NRROS: variants seen among roughly 807,000 people sequenced by gnomAD.
The protein encoded by NRROS is transforming growth factor beta activator LRRC33.
A neutral mutation model predicts 12.0 loss-of-function variants in NRROS; 6 were observed. The ratio of observed to expected loss-of-function variants is 0.50; its 90% CI spans 0.27 to 0.98. The LOEUF (loss-of-function observed/expected upper bound fraction) is 0.98. Ranked by LOEUF, NRROS falls within the 50% of genes least tolerant of loss-of-function variation. The pLI, the probability that NRROS is intolerant of heterozygous loss-of-function variation, is 0.11. For missense variants in NRROS, 857 were observed against 888.2 expected, an observed-to-expected ratio of 0.96 and a Z score of 0.45; for synonymous variants, 462 against 410.2, an observed-to-expected ratio of 1.13 and a Z score of -1.53.
At chr3:196,642,838 G>A (rs184226222) in intron 1 of NRROS, among the ~76,000 whole-genome samples, 22 of 152,262 alleles carry the variant, frequency 1.4e-4, no homozygotes, top group African/African-American at 5.3e-4. Context: ...TTGGGAGGCC[G>A]AGGCGGGTGG....
intron 2 of NRROS, among the ~76,000 whole-genome samples, chr3:196,657,485 G>C (rs1164898875): frequency 6.6e-6 from 1 of 152,102 alleles, no homozygotes; most frequent in Non-Finnish European, 1.5e-5. Context: ...ACTTGGGGAG[G>C]CCAAGGCAGG....
intron 2 of NRROS, among the ~76,000 whole-genome samples, chr3:196,657,420 T>G (rs1737557782): frequency 6.6e-6 from 1 of 150,650 alleles, no homozygotes; most frequent in Admixed American, 6.6e-5. Flanking sequence ...CAACACCCAC[T>G]CACATAAAGA....
chr3:196,648,071 T>C (rs897039413), intron 1 of NRROS, among the ~76,000 whole-genome samples: 3 of 152,216 alleles, frequency 2.0e-5, no homozygotes, highest in Admixed American at 2.0e-4. Context: ...GAAAAAGGTA[T>C]GTTAATGATT....
In NRROS at chr3:196,660,399, G is replaced by A. The variant is rs762867773; in HGVS notation, c.756G>A (p.Leu252=). Reference sequence around the variant, plus strand: ...CCGGGGGAGAGGCTGCCTTCGAGCTGGAGACGCTGGACCTGTCTCACAACC... The same window carrying A: ...CCGGGGGAGAGGCTGCCTTCGAGCTAGAGACGCTGGACCTGTCTCACAACC... ...LATGGEAAFE[L]ETLDLSHNQL... Residue 252 remains leucine (L), a synonymous_variant, in exon 3 of 3, where the codon CTG becomes CTA. Transcript: ENST00000328557. This position sits in a 1 kb window ranked among gnomAD's most constrained non-coding sequence, Gnocchi z 7.7. 1 of 1,613,828 alleles carries A rather than the reference G, an allele frequency of 6.2e-7. No individual in the cohort carries two copies.
At position 196,660,771 on chromosome 3, in the gene NRROS, AGC is replaced by A; in HGVS notation, c.1131_1132del (p.Leu378HisfsTer48). ...LHIREHEPPGALTELDLSHNQ... is the reference protein window; with the variant it reads ...LHIREHEPPGXLTELDLSHNQ... ...ACATTCGGGAGCACGAGCCCCCCGG[AGC>A]GCTCACCGAGCTGGACCTGAGCCAC... On this transcript the variant is annotated frameshift_variant, in exon 3 of 3. Coordinates refer to ENST00000328557, the MANE Select transcript of NRROS (RefSeq NM_198565.3). LOFTEE classifies it low-confidence loss of function (END_TRUNC). The surrounding 1 kb of genome is among the most constrained non-coding windows in gnomAD (Gnocchi z 7.7). The A allele has an allele frequency of 6.2e-7, 1 of 1,613,616 alleles. No individual in the cohort carries two copies. Among genetic ancestry groups the A allele is most frequent in the Non-Finnish European group, 8.5e-7 (1 of 1,179,970 alleles).
Position 196,660,548 on chromosome 3 carries a change from A to T in NRROS, c.905A>T (p.Gln302Leu), listed in dbSNP as rs753540429. The T allele has an allele frequency of 1.2e-6, 2 of 1,614,134 alleles. No homozygotes were observed. The highest frequency in any genetic ancestry group is 8.5e-7 in the Non-Finnish European group (1 of 1,180,024). Residue 302 changes from glutamine to leucine, a missense_variant, in exon 3 of 3, where the codon CAG becomes CTG. Transcript: ENST00000328557. This position sits in a 1 kb window ranked among gnomAD's most constrained non-coding sequence, Gnocchi z 7.7. The part of the protein sequence containing the change: ...NTSSPREMVA[Q>L]FLLVDGNVTN... Reference sequence around the variant, plus strand: ...TCGTCGCCGAGGGAGATGGTGGCCCAGTTCCTCCTCGTGGACGGCAACGTG... The same window carrying T: ...TCGTCGCCGAGGGAGATGGTGGCCCTGTTCCTCCTCGTGGACGGCAACGTG...
At chr3:196,653,222 G>T (rs1249953701) in intron 1 of NRROS, among the ~76,000 whole-genome samples, 1 of 152,188 alleles carries the variant, frequency 6.6e-6, no homozygotes, top group Non-Finnish European at 1.5e-5. Context: ...GCAAGTTCTG[G>T]TAAATTCTGC....
At chr3:196,659,668 A>G in intron 2 of NRROS, 84 bp from the exon 3 acceptor site, 1 of 1,379,356 alleles carries the variant, frequency 7.2e-7, no homozygotes, top group Non-Finnish European at 9.9e-7. Context: ...TTGCAGGGAC[A>G]GTCTGATAAG....
At chr3:196,647,304 C>G (rs1377912958) in intron 1 of NRROS, among the ~76,000 whole-genome samples, 1 of 152,166 alleles carries the variant, frequency 6.6e-6, no homozygotes. Context: ...ATTTTCTGTT[C>G]TACCTGCAGG....
At chr3:196,651,079 G>T (rs142608730) in intron 1 of NRROS, among the ~76,000 whole-genome samples, 7 of 152,304 alleles carry the variant, frequency 4.6e-5, no homozygotes, top group Non-Finnish European at 5.9e-5. Context: ...GCATGCAGGG[G>T]ATGAGTCACG....
chr3:196,655,853 A>G (rs1006537669), intron 2 of NRROS, among the ~76,000 whole-genome samples: 3 of 152,318 alleles, frequency 2.0e-5, no homozygotes, highest in African/African-American at 7.2e-5. Context: ...CATCTATATA[A>G]CAATGATATC....
At chr3:196,656,055 C>G (rs1425427734) in intron 2 of NRROS, among the ~76,000 whole-genome samples, 1 of 152,108 alleles carries the variant, frequency 6.6e-6, no homozygotes, top group Non-Finnish European at 1.5e-5. Flanking sequence ...CTTGTAGTCC[C>G]AGCTACTCGG....
At chr3:196,650,395 C>T (rs765426493) in intron 1 of NRROS, among the ~76,000 whole-genome samples, 3 of 152,112 alleles carry the variant, frequency 2.0e-5, no homozygotes, top group African/African-American at 4.8e-5. Context: ...CCACCTGCCT[C>T]GGCCTCCCAA....
intron 2 of NRROS, among the ~76,000 whole-genome samples, chr3:196,658,837 G>GCC (rs1737593553): frequency 6.6e-6 from 1 of 152,110 alleles, no homozygotes; most frequent in African/African-American, 2.4e-5. Context: ...GGGCGTGGTG[G>GCC]CATGTGCCTG....
At chr3:196,647,863 G>C (rs1178381664) in intron 1 of NRROS, among the ~76,000 whole-genome samples, 1 of 152,022 alleles carries the variant, frequency 6.6e-6, no homozygotes, top group East Asian at 1.9e-4. Context: ...CCAGCCACCT[G>C]GCTAATTTTT....
chr3:196,649,833 C>T (rs959285022), intron 1 of NRROS, among the ~76,000 whole-genome samples: 11 of 152,166 alleles, frequency 7.2e-5, no homozygotes, highest in Admixed American at 5.2e-4. Flanking sequence ...AGACCTCTTT[C>T]CGTAAAGCTT....
intron 1 of NRROS, among the ~76,000 whole-genome samples, chr3:196,645,316 G>A (rs1206074771): frequency 1.3e-5 from 2 of 152,126 alleles, no homozygotes; most frequent in South Asian, 2.1e-4. Flanking sequence ...GTCAAGGGTC[G>A]CAGGCATCCC....
chr3:196,660,248 A>G lies in NRROS; in HGVS notation c.605A>G (p.Asp202Gly). 6.2e-7 allele frequency: 1 copy of G among 1,613,784 alleles called. No individual in the cohort carries two copies. The highest frequency in any genetic ancestry group is 1.1e-5 in the South Asian group (1 of 91,080). The change falls in exon 3 of 3, where the codon GAC becomes GGC. Residue 202 changes from aspartate to glycine, a missense_variant. Coordinates refer to ENST00000328557, the MANE Select transcript of NRROS (RefSeq NM_198565.3). The surrounding 1 kb of genome is among the most constrained non-coding windows in gnomAD (Gnocchi z 7.7). ...TTCGAGATCGAGGGCGGCGCTTTCG[A>G]CGGCCTGGCTGAGCTGAGGCACCTC... is the stretch of plus-strand genomic sequence containing the variant. ...YIFEIEGGAF[D>G]GLAELRHLNL...
At chr3:196,647,023 C>T (rs1478589460) in intron 1 of NRROS, among the ~76,000 whole-genome samples, 1 of 152,076 alleles carries the variant, frequency 6.6e-6, no homozygotes, top group African/African-American at 2.4e-5. Context: ...ATATTGCTAC[C>T]AAAGCATTTT....
Sources: allele counts gnomAD v4.1 joint callset (sites outside exome capture counted in the v4.1 genomes callset), GRCh38; gene constraint gnomAD v4.1.1; non-coding constraint Gnocchi (gnomAD v3.1); transcripts MANE v1.5; gene names NCBI Gene and HGNC (gene_info 2026-07-23, HGNC 2026-07-21).